Variants in PDSS2 observed in about 807,000 individuals in gnomAD.
The protein encoded by PDSS2 is decaprenyl diphosphate synthase subunit 2.
Under a neutral mutation model 44.5 loss-of-function variants are expected in PDSS2, and 31 were observed. The observed-to-expected ratio is 0.70, with a 90% CI of 0.52 to 0.94. The LOEUF (loss-of-function observed/expected upper bound fraction) is 0.94. PDSS2 is among the 40% of genes least tolerant of loss of function. The pLI, the probability that PDSS2 is intolerant of heterozygous loss-of-function variation, is 0.00. For missense variants in PDSS2, 452 were observed against 482.2 expected, an observed-to-expected ratio of 0.94 and a Z score of 0.59; for synonymous variants, 157 against 180.3, an observed-to-expected ratio of 0.87 and a Z score of 1.03.
chr6:107,271,586 T>C (rs1291280923), intron 3 of PDSS2, among the ~76,000 whole-genome samples: 1 of 152,148 alleles, frequency 6.6e-6, no homozygotes, highest in Non-Finnish European at 1.5e-5. Context: ...ACAGCCAGCT[T>C]CTCCCACCAC....
chr6:107,352,413 C>G (rs930616387), intron 1 of PDSS2, among the ~76,000 whole-genome samples: 2 of 152,154 alleles, frequency 1.3e-5, no homozygotes, highest in Non-Finnish European at 2.9e-5. Flanking sequence ...TTCTAAAATT[C>G]TATTAAAAAT....
Position 107,225,153 on chromosome 6 carries a change from A to ATATATT in PDSS2, c.703-12872_703-12871insAATATA, listed in dbSNP as rs1554256053. ...TATATATTTTTATATATATATATAT[A>ATATATT]TATATATATTTTTTTTTTTTTTTTT... On this transcript the variant is annotated intron_variant, in intron 4 of 7. Coordinates refer to ENST00000369037, the MANE Select transcript of PDSS2 (RefSeq NM_020381.4). 2.2e-3 allele frequency among the ~76,000 whole-genome samples: 121 copies of ATATATT among 55,054 alleles called. 6 individuals are homozygous for ATATATT. The highest frequency in any genetic ancestry group is 0.012 in the East Asian group (28 of 2,322). 36.1% of individuals were successfully genotyped at this position (55,054 alleles called of 152,430 possible).
At chr6:107,257,741 C>G (rs767336913) in intron 3 of PDSS2, among the ~76,000 whole-genome samples, 4 of 152,022 alleles carry the variant, frequency 2.6e-5, no homozygotes, top group Non-Finnish European at 5.9e-5. Flanking sequence ...GCCTTGACCT[C>G]CCAAGTAGCT....
chr6:107,359,641 G>A (rs1381943150), intron 1 of PDSS2, among the ~76,000 whole-genome samples: 12 of 146,742 alleles, frequency 8.2e-5, no homozygotes, highest in East Asian at 6.2e-4. Flanking sequence ...AAAAAAAAAA[G>A]GGAGAGAGAG....
chr6:107,395,574 T>C (rs959981004), intron 1 of PDSS2, among the ~76,000 whole-genome samples: 1 of 152,180 alleles, frequency 6.6e-6, no homozygotes, highest in Non-Finnish European at 1.5e-5. Flanking sequence ...TCATTAAATA[T>C]ACTTTATATT....
At chr6:107,411,368 T>A (rs1780488137) in intron 1 of PDSS2, among the ~76,000 whole-genome samples, 2 of 152,264 alleles carry the variant, frequency 1.3e-5, no homozygotes, top group Non-Finnish European at 1.5e-5. Context: ...ACATCATTTA[T>A]GAAAACTGGA....
At chr6:107,452,018 T>C (rs1375377067) in intron 1 of PDSS2, among the ~76,000 whole-genome samples, 1 of 152,118 alleles carries the variant, frequency 6.6e-6, no homozygotes, top group East Asian at 1.9e-4. Context: ...TTCTTTTCTT[T>C]CTTCTTCTTT....
intron 1 of PDSS2, among the ~76,000 whole-genome samples, chr6:107,356,652 C>T (rs1174913423): frequency 6.6e-6 from 1 of 152,128 alleles, no homozygotes; most frequent in Non-Finnish European, 1.5e-5. Context: ...ATATGGTTTT[C>T]TCCTTTCAAA....
chr6:107,369,026 C>T (rs542522459), intron 1 of PDSS2, among the ~76,000 whole-genome samples: 1 of 152,248 alleles, frequency 6.6e-6, no homozygotes, highest in African/African-American at 2.4e-5. Flanking sequence ...CATTTATGGT[C>T]AATTAATTTT....
intron 1 of PDSS2, among the ~76,000 whole-genome samples, chr6:107,388,055 C>G (rs980164869): frequency 1.3e-5 from 2 of 152,048 alleles, no homozygotes; most frequent in Non-Finnish European, 2.9e-5. Flanking sequence ...GATCTAAAAC[C>G]ATGCTAATGG....
At chr6:107,204,555 G>C (rs1562373145) in intron 6 of PDSS2, among the ~76,000 whole-genome samples, 1 of 151,488 alleles carries the variant, frequency 6.6e-6, no homozygotes, top group African/African-American at 2.4e-5. Flanking sequence ...TTTTTAATTT[G>C]ACAACATTGC....
intron 4 of PDSS2, among the ~76,000 whole-genome samples, chr6:107,244,850 T>C (rs1484083172): frequency 1.3e-5 from 2 of 152,156 alleles, no homozygotes; most frequent in African/African-American, 4.8e-5. Flanking sequence ...AACACTAAGA[T>C]AGGAGCCCCT....
chr6:107,310,284 C>CAA (rs58991885), intron 2 of PDSS2, among the ~76,000 whole-genome samples: 26 of 90,208 alleles, frequency 2.9e-4, no homozygotes, highest in African/African-American at 8.6e-4. Flanking sequence ...GACTCCATCC[C>CAA]AAAAAAAAAA....
At chr6:107,415,190 A>G (rs1780619343) in intron 1 of PDSS2, among the ~76,000 whole-genome samples, 1 of 152,086 alleles carries the variant, frequency 6.6e-6, no homozygotes, top group Admixed American at 6.6e-5. Flanking sequence ...ATTCTTTAGG[A>G]CAGAAAGAAC....
At chr6:107,233,307 T>G (rs1233456357) in intron 4 of PDSS2, among the ~76,000 whole-genome samples, 1 of 152,204 alleles carries the variant, frequency 6.6e-6, no homozygotes, top group Non-Finnish European at 1.5e-5. Context: ...TTCATGTGCA[T>G]GTATTTCCTA....
In PDSS2 at chr6:107,459,501, C is replaced by T. The variant is rs1055792903; in HGVS notation, c.-216G>A. ...AACAACAGTCCCAGCTCAGCACTGCCCCCGGCCACCCGGGGTAGAAACCAC... is the reference window on the plus strand; with the variant it reads ...AACAACAGTCCCAGCTCAGCACTGCTCCCGGCCACCCGGGGTAGAAACCAC... On this transcript the variant is annotated 5_prime_UTR_variant, in exon 1 of 8. Coordinates refer to ENST00000369037, the MANE Select transcript of PDSS2 (RefSeq NM_020381.4). This position sits in a 1 kb window ranked among gnomAD's most constrained non-coding sequence, Gnocchi z 4.3. 74 of 583,282 alleles carry T rather than the reference C, an allele frequency of 1.3e-4. No homozygotes were observed. Among genetic ancestry groups the T allele is most frequent in the Non-Finnish European group, 1.4e-4 (45 of 327,922 alleles). The allele number at this position is 583,282 out of a possible 1,614,324, so 36.1% of individuals were successfully genotyped here.
At chr6:107,157,085 T>C (rs1287911177) in intron 7 of PDSS2, among the ~76,000 whole-genome samples, 3 of 152,146 alleles carry the variant, frequency 2.0e-5, no homozygotes. Context: ...ACCCTTCCAA[T>C]AGCCTTAAGA....
At chr6:107,415,626 G>T (rs1780634313) in intron 1 of PDSS2, among the ~76,000 whole-genome samples, 1 of 152,184 alleles carries the variant, frequency 6.6e-6, no homozygotes, top group Non-Finnish European at 1.5e-5. Flanking sequence ...GCTCCATCTA[G>T]AAGGTTGGAT....
intron 7 of PDSS2, among the ~76,000 whole-genome samples, chr6:107,161,422 G>C (rs1176495182): frequency 1.3e-5 from 2 of 150,842 alleles, no homozygotes; most frequent in Non-Finnish European, 2.9e-5. Flanking sequence ...GGAGCTTGCA[G>C]TGAGCCGAGA....
Sources: gnomAD v4.1 joint callset for allele counts (sites outside exome capture counted in the v4.1 genomes callset) on GRCh38, gnomAD v4.1.1 for gene constraint, Gnocchi (gnomAD v3.1) non-coding constraint, MANE v1.5 for transcripts, NCBI Gene and HGNC (gene_info 2026-07-23, HGNC 2026-07-21) for gene names.